Variants in THADA observed in about 807,000 individuals in gnomAD.
THADA encodes tRNA (32-2'-O)-methyltransferase regulator THADA.
THADA carries 213 observed loss-of-function variants against 219.8 expected under a neutral mutation model. The ratio of observed to expected loss-of-function variants is 0.97; its 90% CI spans 0.87 to 1.09. THADA has a LOEUF of 1.09. Among genes scored for constraint, THADA ranks in the 50% least tolerant of loss-of-function variants. The pLI, the probability that THADA is intolerant of heterozygous loss-of-function variation, is 0.00. For synonymous variants in THADA, 1,018 were observed against 828.9 expected (o/e 1.23, Z -3.92); for missense variants, 2,956 against 2,311.3 (o/e 1.28, Z -5.72).
chr2:43,481,722 C>G (rs1686251870), intron 26 of THADA, among the ~76,000 whole-genome samples: 1 of 152,144 alleles, frequency 6.6e-6, no homozygotes. Flanking sequence ...CATGTACTCC[C>G]CTATTATGTT....
At chr2:43,575,058 G>C (rs1284816854) in intron 10 of THADA, 31 bp from the exon 11 acceptor site, 1 of 1,469,024 alleles carries the variant, frequency 6.8e-7, no homozygotes. Context: ...AGCCATTATT[G>C]TAAACTGATT....
rs1217994941 is a variant in THADA, at chr2:43,320,472, T to C, written c.4412A>G (p.Asn1471Ser). The change falls in exon 31 of 38, where the codon AAC becomes AGC. Residue 1471 changes from asparagine to serine, a missense_variant. Coordinates refer to ENST00000405975, the MANE Select transcript of THADA (RefSeq NM_022065.5). ...TGGCTGGTTGTCCTTTGCAGATCTG[T>C]TGAGGCAGCAAGTCAATAGGAAGAG... ...DILFLLTCCL[N>S]RSAKDNQPVL... 1.2e-6 allele frequency: 2 copies of C among 1,613,374 alleles called. No homozygotes were observed. The highest frequency in any genetic ancestry group is 2.7e-5 in the African/African-American group (2 of 74,924).
At chr2:43,562,872 T>C (rs1044218155) in intron 15 of THADA, 7 of 152,242 alleles carry the variant, frequency 4.6e-5, no homozygotes, top group African/African-American at 1.7e-4. Context: ...TTGTTCACTG[T>C]ACTGTCTTAT....
rs1452572838 is a variant in THADA, at chr2:43,298,007, G to T, written c.4439-4794C>A. On this transcript the variant is annotated intron_variant, in intron 31 of 37. Transcript: ENST00000405975. Reference sequence around the variant, plus strand: ...CCGTCCGGGAGGGAGTGTGGGGGGGGTCAGCCCCCCGGCCCGGCCAGCCGC... The same window carrying T: ...CCGTCCGGGAGGGAGTGTGGGGGGGTTCAGCCCCCCGGCCCGGCCAGCCGC... Among the ~76,000 whole-genome samples, 4 of 108,918 alleles carry T rather than the reference G, an allele frequency of 3.7e-5. 1 individual carries two copies. The highest frequency in any genetic ancestry group is 3.6e-5 in the Non-Finnish European group (2 of 56,104). 71.5% of individuals were successfully genotyped at this position (108,918 alleles called of 152,430 possible).
At chr2:43,231,551 C>G (rs1433738745) in intron 37 of THADA, among the ~76,000 whole-genome samples, 1 of 152,164 alleles carries the variant, frequency 6.6e-6, no homozygotes, top group African/African-American at 2.4e-5. Context: ...ATTTCTCCAC[C>G]AGAGAGGAAT....
intron 22 of THADA, among the ~76,000 whole-genome samples, chr2:43,525,264 T>C (rs1693017646): frequency 6.6e-6 from 1 of 152,202 alleles, no homozygotes; most frequent in African/African-American, 2.4e-5. Flanking sequence ...TTCAGTTGGT[T>C]CATGTGGCAG....
At position 43,556,567 on chromosome 2, in the gene THADA, C is replaced by T. The variant is rs771008613; in HGVS notation, c.2464-12G>A. 3.5e-5 allele frequency: 56 copies of T among 1,608,612 alleles called. No individual in the cohort carries two copies. Among genetic ancestry groups the T allele is most frequent in the Non-Finnish European group, 4.3e-5 (51 of 1,177,178 alleles). ...AGTTTCCCCGAATCCTAGAATAAAG[C>T]GCAGACTCAGTAACTGTCAAATTAA... On this transcript the variant is annotated splice_polypyrimidine_tract_variant and intron_variant, in intron 16 of 37. Coordinates refer to ENST00000405975, the MANE Select transcript of THADA (RefSeq NM_022065.5).
At chr2:43,428,336 G>T in intron 27 of THADA, 105 bp from the exon 28 acceptor site, 1 of 1,125,900 alleles carries the variant, frequency 8.9e-7, no homozygotes, top group Non-Finnish European at 1.2e-6. Flanking sequence ...GGCCGGGTGC[G>T]GTGACTAATG....
At chr2:43,569,955 A>C (rs1699111007) in intron 14 of THADA, among the ~76,000 whole-genome samples, 1 of 152,200 alleles carries the variant, frequency 6.6e-6, no homozygotes, top group African/African-American at 2.4e-5. Context: ...TGTGACACAG[A>C]CAGCAAGCTC....
At chr2:43,552,395 G>A (rs552496558) in intron 17 of THADA, 56 bp from the exon 18 acceptor site, 2 of 1,530,250 alleles carry the variant, frequency 1.3e-6, no homozygotes, top group African/African-American at 2.8e-5. Context: ...ATTTGTAAAT[G>A]TACGAACAGC....
At chr2:43,446,063 A>G (rs1681494646) in intron 26 of THADA, among the ~76,000 whole-genome samples, 1 of 152,180 alleles carries the variant, frequency 6.6e-6, no homozygotes, top group Non-Finnish European at 1.5e-5. Flanking sequence ...GTAAATATCA[A>G]TCTCTTGAAT....
chr2:43,324,952 A>G (rs1679147691), intron 30 of THADA, among the ~76,000 whole-genome samples: 1 of 152,222 alleles, frequency 6.6e-6, no homozygotes, highest in African/African-American at 2.4e-5. Context: ...TGGCTTTCGA[A>G]GGAGGAGAAG....
intron 4 of THADA, among the ~76,000 whole-genome samples, chr2:43,587,966 G>A (rs1000830939): frequency 1.3e-5 from 2 of 152,070 alleles, no homozygotes; most frequent in African/African-American, 2.4e-5. Context: ...TTTTCTGGAA[G>A]AAAATAATTC....
intron 4 of THADA, among the ~76,000 whole-genome samples, chr2:43,590,403 C>T (rs756052337): frequency 1.3e-5 from 2 of 151,996 alleles, no homozygotes; most frequent in African/African-American, 2.4e-5. Context: ...CTAGGCTGGG[C>T]GCAGTGGCTC....
Position 43,232,824 on chromosome 2 carries a change from C to A in THADA, c.5355G>T (p.Leu1785=), listed in dbSNP as rs1667600012. 4 of 1,612,768 alleles carry A rather than the reference C, an allele frequency of 2.5e-6. No individual in the cohort carries two copies. The highest frequency in any genetic ancestry group is 1.1e-5 in the South Asian group (1 of 90,638). ...SIALALALAV[L]CDLLQQWDQL... ...GGTCCCACTGCTGGAGCAGATCACA[C>A]AGGACGGCCAGGGCCAGGGCCAGAG... is the stretch of plus-strand genomic sequence containing the variant. The change falls in exon 37 of 38, where the codon CTG becomes CTT. Residue 1785 remains leucine, a synonymous_variant. Coordinates refer to ENST00000405975, the MANE Select transcript of THADA (RefSeq NM_022065.5).
chr2:43,550,430 C>T lies in THADA; in HGVS notation c.2948-1062G>A, dbSNP rs557723639. Among the ~76,000 whole-genome samples the T allele has an allele frequency of 1.8e-4, 28 of 152,260 alleles. No homozygotes were observed. In the East Asian group the frequency reaches 4.4e-3, roughly 24 times the overall value. The stretch of plus-strand genomic sequence containing the variant: ...CTAACAATGACCCCAAAAGAAACCA[C>T]GCAAAGACCAAGAAAAGATCAGAGA... On this transcript the variant is annotated intron_variant, in intron 19 of 37. Transcript: ENST00000405975.
chr2:43,451,469 T>TTTAAAG (rs1313450065), intron 26 of THADA, among the ~76,000 whole-genome samples: 1 of 152,242 alleles, frequency 6.6e-6, no homozygotes. Flanking sequence ...CTGAAACATG[T>TTTAAAG]TTAAAGTCCA....
In THADA at chr2:43,590,639, C is replaced by T. The variant is rs184399076; in HGVS notation, c.302+185G>A. 8.8e-3 allele frequency among the ~76,000 whole-genome samples: 1,195 copies of T among 135,050 alleles called. 19 individuals carry two copies. Among genetic ancestry groups the T allele is most frequent in the African/African-American group, 0.031 (1,129 of 36,166 alleles). The allele number at this position is 135,050 out of a possible 152,430, so 88.6% of individuals were successfully genotyped here. A position where few individuals can be genotyped will look rare whatever the true frequency, so the allele number is the denominator to read the frequency against. On this transcript the variant is annotated intron_variant, in intron 4 of 37. Coordinates refer to ENST00000405975, the MANE Select transcript of THADA (RefSeq NM_022065.5). Reference sequence around the variant, plus strand: ...CAGCCTGGGCGACAGAGCTAGACTCCGTCTCAAAAAAAAAAAAAAAAAAAA... The same window carrying T: ...CAGCCTGGGCGACAGAGCTAGACTCTGTCTCAAAAAAAAAAAAAAAAAAAA...
At chr2:43,405,046 C>T (rs1352693128) in intron 28 of THADA, among the ~76,000 whole-genome samples, 1 of 152,218 alleles carries the variant, frequency 6.6e-6, no homozygotes, top group African/African-American at 2.4e-5. Flanking sequence ...ACCAAACAGG[C>T]TCCAAGTGCT....
Sources: gnomAD v4.1 joint callset for allele counts (sites outside exome capture counted in the v4.1 genomes callset) on GRCh38, gnomAD v4.1.1 for gene constraint, MANE v1.5 for transcripts, NCBI Gene and HGNC (gene_info 2026-07-23, HGNC 2026-07-21) for gene names.